NKAIN2: variants seen among roughly 807,000 people sequenced by gnomAD.
NKAIN2 encodes the protein sodium/potassium transporting ATPase interacting 2, also known as sodium/potassium-transporting ATPase subunit beta-1-interacting protein 2.
NKAIN2 carries 14 observed loss-of-function variants against 32.6 expected under a neutral mutation model. The ratio of observed to expected loss-of-function variants is 0.43; its 90% CI spans 0.28 to 0.67. NKAIN2 has a LOEUF of 0.67. Among genes scored for constraint, NKAIN2 ranks in the 30% least tolerant of loss-of-function variants. The pLI, the probability that NKAIN2 is intolerant of heterozygous loss-of-function variation, is 0.17. For missense variants in NKAIN2, 198 were observed against 258.3 expected, an observed-to-expected ratio of 0.77 and a Z score of 1.60; for synonymous variants, 80 against 87.2, an observed-to-expected ratio of 0.92 and a Z score of 0.46.
intron 1 of NKAIN2, among the ~76,000 whole-genome samples, chr6:124,274,125 A>G (rs1389979507): frequency 1.3e-5 from 2 of 152,212 alleles, no homozygotes; most frequent in Admixed American, 6.5e-5. Context: ...TTTATAGTAC[A>G]ACTCCAGATA....
chr6:124,709,615 G>A (rs1775321246), intron 4 of NKAIN2, among the ~76,000 whole-genome samples: 1 of 149,638 alleles, frequency 6.7e-6, no homozygotes. Flanking sequence ...AGATTTTCTA[G>A]TTTATTTGCG....
At chr6:124,326,586 C>A (rs191610261) in intron 2 of NKAIN2, among the ~76,000 whole-genome samples, 1 of 152,254 alleles carries the variant, frequency 6.6e-6, no homozygotes, top group African/African-American at 2.4e-5. Context: ...TCTCTGGATG[C>A]ATTTCCTCTA....
Position 124,823,458 on chromosome 6 carries a change from A to C in NKAIN2, c.*229A>C. On this transcript the variant is annotated 3_prime_UTR_variant, in exon 7 of 7. Coordinates refer to ENST00000368417, the MANE Select transcript of NKAIN2 (RefSeq NM_001040214.3). ...CTCTTTCTAACTGAAACAGACAAAT[A>C]TGCAGGACACGCCCATCTTGGATTT... The C allele has an allele frequency of 2.0e-6, 1 of 497,112 alleles. No homozygotes were observed. The highest frequency in any genetic ancestry group is 3.6e-6 in the Non-Finnish European group (1 of 278,606). 30.8% of individuals were successfully genotyped at this position (497,112 alleles called of 1,614,324 possible).
At chr6:124,061,116 A>G (rs1782901936) in intron 1 of NKAIN2, among the ~76,000 whole-genome samples, 1 of 152,146 alleles carries the variant, frequency 6.6e-6, no homozygotes, top group Non-Finnish European at 1.5e-5. Context: ...AAATTGCTTT[A>G]AATATTTATT....
intron 1 of NKAIN2, among the ~76,000 whole-genome samples, chr6:124,107,760 ATTTT>A (rs1785188272): frequency 6.6e-6 from 1 of 152,016 alleles, no homozygotes; most frequent in Admixed American, 6.6e-5. Flanking sequence ...GAGTTTTACT[ATTTT>A]AGATTCCTCA....
At chr6:124,330,535 G>T (rs1270219639) in intron 2 of NKAIN2, among the ~76,000 whole-genome samples, 1 of 152,204 alleles carries the variant, frequency 6.6e-6, no homozygotes, top group Non-Finnish European at 1.5e-5. Flanking sequence ...ATGACATGAA[G>T]GCTGCACCTG....
At chr6:124,009,014 C>T (rs1010218480) in intron 1 of NKAIN2, among the ~76,000 whole-genome samples, 9 of 152,290 alleles carry the variant, frequency 5.9e-5, no homozygotes, top group African/African-American at 2.2e-4. Context: ...TAAGTCTTTA[C>T]ATTTTATATT....
intron 1 of NKAIN2, among the ~76,000 whole-genome samples, chr6:124,250,225 C>G (rs1418780728): frequency 6.6e-6 from 1 of 152,072 alleles, no homozygotes; most frequent in Admixed American, 6.6e-5. Flanking sequence ...CAGGGATTTT[C>G]CTGCCTCCCA....
intron 3 of NKAIN2, among the ~76,000 whole-genome samples, chr6:124,515,574 G>A (rs181207397): frequency 1.3e-3 from 197 of 152,032 alleles, no homozygotes; most frequent in Non-Finnish European, 2.1e-3. Flanking sequence ...TAATCTATTC[G>A]TGACAAATCT....
rs142733077 is a variant in NKAIN2 at position 124,302,376 on chromosome 6, A to G, written c.192+19234A>G. Among the ~76,000 whole-genome samples, 272 of 152,354 alleles carry G rather than the reference A, an allele frequency of 1.8e-3. 1 individual carries two copies. Among genetic ancestry groups the G allele is most frequent in the Middle Eastern group, 0.01 (3 of 294 alleles). Reference sequence around the variant, plus strand: ...TTTCTAGGTATCAAATGGTTTTTACAAGTATTGAAAGTTTTCCTCCATGAC... The same window carrying G: ...TTTCTAGGTATCAAATGGTTTTTACGAGTATTGAAAGTTTTCCTCCATGAC... On this transcript the variant is annotated intron_variant, in intron 2 of 6. Coordinates refer to ENST00000368417, the MANE Select transcript of NKAIN2 (RefSeq NM_001040214.3).
chr6:124,381,887 G>C (rs1772660187), intron 3 of NKAIN2, among the ~76,000 whole-genome samples: 1 of 152,126 alleles, frequency 6.6e-6, no homozygotes. Context: ...CAGTGCTTTA[G>C]TATGAAAGCA....
At chr6:124,357,438 T>C (rs192202153) in intron 3 of NKAIN2, among the ~76,000 whole-genome samples, 258 of 152,152 alleles carry the variant, frequency 1.7e-3, no homozygotes, top group Admixed American at 4.1e-3. Flanking sequence ...TGGAAAAATG[T>C]ACAGAAAGAT....
chr6:124,755,727 G>A lies in NKAIN2; in HGVS notation c.475-35612G>A, dbSNP rs191982509. ...GCCTACCAGAGGGTGGAAGTCAGGA[G>A]AAGGGGGAGTAACAGAAAAAATAAC... On this transcript the variant is annotated intron_variant, in intron 4 of 6. Transcript: ENST00000368417. Among the ~76,000 whole-genome samples, 377 of 152,262 alleles carry A rather than the reference G, an allele frequency of 2.5e-3. 4 individuals are homozygous for A. Among genetic ancestry groups the A allele is most frequent in the African/African-American group, 8.9e-3 (368 of 41,562 alleles).
intron 4 of NKAIN2, among the ~76,000 whole-genome samples, chr6:124,699,248 C>G (rs1213621652): frequency 2.0e-5 from 3 of 152,160 alleles, no homozygotes; most frequent in African/African-American, 7.2e-5. Context: ...ACAGTTGATG[C>G]TAGCCATTGT....
intron 1 of NKAIN2, among the ~76,000 whole-genome samples, chr6:124,063,230 A>G (rs1265386477): frequency 1.3e-5 from 2 of 152,006 alleles, no homozygotes; most frequent in African/African-American, 2.4e-5. Flanking sequence ...TATTCTCATT[A>G]TGGAAAAAAA....
intron 3 of NKAIN2, among the ~76,000 whole-genome samples, chr6:124,561,552 A>G (rs940560973): frequency 1.3e-5 from 2 of 152,182 alleles, no homozygotes; most frequent in African/African-American, 2.4e-5. Context: ...TCTTCATATA[A>G]CAAGACTTAA....
At chr6:124,769,622 T>C (rs1427543000) in intron 4 of NKAIN2, among the ~76,000 whole-genome samples, 2 of 152,186 alleles carry the variant, frequency 1.3e-5, no homozygotes, top group Non-Finnish European at 2.9e-5. Context: ...TTTCAAGCAA[T>C]GCACCTAAAC....
intron 3 of NKAIN2, among the ~76,000 whole-genome samples, chr6:124,374,764 A>G (rs1799910003): frequency 6.6e-6 from 1 of 151,934 alleles, no homozygotes; most frequent in Admixed American, 6.6e-5. Context: ...GGAAAATATA[A>G]CAACCTAACT....
chr6:123,948,343 A>G (rs1005834867), intron 1 of NKAIN2, among the ~76,000 whole-genome samples: 14 of 152,030 alleles, frequency 9.2e-5, no homozygotes, highest in East Asian at 3.9e-4. Flanking sequence ...AGAAATTTCC[A>G]TACTCTTTTC....
Sources: gnomAD v4.1 joint callset for allele counts (sites outside exome capture counted in the v4.1 genomes callset) on GRCh38, gnomAD v4.1.1 for gene constraint, MANE v1.5 for transcripts, NCBI Gene and HGNC (gene_info 2026-07-23, HGNC 2026-07-21) for gene names.